TMTC1: variants seen among roughly 807,000 people sequenced by gnomAD.
The protein encoded by TMTC1 is protein O-mannosyl-transferase TMTC1.
Under a neutral mutation model 104.8 loss-of-function variants are expected in TMTC1, and 73 were observed. The observed-to-expected ratio is 0.70, with a 90% CI of 0.58 to 0.85. TMTC1 has a LOEUF of 0.85. TMTC1 is among the 40% of genes least tolerant of loss of function. TMTC1 has a pLI of 0.00. For missense variants in TMTC1, 1,035 were observed against 1,096.1 expected (o/e 0.94, Z 0.79); for synonymous variants, 434 against 428.7 (o/e 1.01, Z -0.15).
At chr12:29,598,205 T>C (rs1414441068) in intron 7 of TMTC1, among the ~76,000 whole-genome samples, 2 of 152,224 alleles carry the variant, frequency 1.3e-5, no homozygotes, top group African/African-American at 4.8e-5. Context: ...CCTGTTGATA[T>C]TAATATTTGG....
rs192234612 is a variant in TMTC1 at position 29,655,515 on chromosome 12, A to T, written c.939-22179T>A. On this transcript the variant is annotated intron_variant, in intron 5 of 17. Coordinates refer to ENST00000539277, the MANE Select transcript of TMTC1 (RefSeq NM_001193451.2). ...TGTAAAATATAGTAAGCAGCAAATAATAAGCCTACCAATGTTGTATTCCTC... is the reference window on the plus strand; with the variant it reads ...TGTAAAATATAGTAAGCAGCAAATATTAAGCCTACCAATGTTGTATTCCTC... 5.6e-4 allele frequency among the ~76,000 whole-genome samples: 85 copies of T among 152,318 alleles called. 2 individuals carry two copies. The East Asian group carries it at 0.016, about 28-fold the overall frequency.
At chr12:29,775,937 C>A (rs1266546929) in intron 1 of TMTC1, among the ~76,000 whole-genome samples, 1 of 152,108 alleles carries the variant, frequency 6.6e-6, no homozygotes, top group Non-Finnish European at 1.5e-5. Context: ...TAAAGAAACT[C>A]CTCTCACTTG....
intron 5 of TMTC1, among the ~76,000 whole-genome samples, chr12:29,639,109 C>T (rs1039668353): frequency 4.6e-5 from 7 of 152,208 alleles, no homozygotes; most frequent in Admixed American, 2.0e-4. Context: ...TTATCCCGTA[C>T]GCCTTCCTAG....
chr12:29,771,218 T>G (rs1243065333), intron 1 of TMTC1, among the ~76,000 whole-genome samples: 1 of 152,198 alleles, frequency 6.6e-6, no homozygotes, highest in Non-Finnish European at 1.5e-5. Flanking sequence ...AAGAACTAAC[T>G]GACATTCACA....
At chr12:29,619,038 A>G (rs930646259) in intron 6 of TMTC1, among the ~76,000 whole-genome samples, 8 of 152,298 alleles carry the variant, frequency 5.3e-5, no homozygotes, top group African/African-American at 1.9e-4. Flanking sequence ...AATAATATAG[A>G]CTATGAAATC....
intron 13 of TMTC1, among the ~76,000 whole-genome samples, chr12:29,518,167 C>T (rs186623633): frequency 9.8e-5 from 15 of 152,292 alleles, no homozygotes; most frequent in Admixed American, 4.6e-4. Flanking sequence ...CATGTATCCT[C>T]ATTTTTTAAA....
chr12:29,518,507 C>T lies in TMTC1; in HGVS notation c.1989G>A (p.Leu663=), dbSNP rs1944054744. The part of the protein sequence containing the change: ...MVNLGRLYRS[L]GENSMAEEWY... ...ATTCTTCAGCCATGCTGTTCTCTCC[C>T]AGTGACCTGTAGAGTCTTCCCAAGT... Residue 663 remains leucine (L), a synonymous_variant, in exon 13 of 18, where the codon CTG becomes CTA. Transcript: ENST00000539277. 1 of 1,613,984 alleles carries T rather than the reference C, an allele frequency of 6.2e-7. No homozygotes were observed. The highest frequency in any genetic ancestry group is 1.3e-5 in the African/African-American group (1 of 74,922).
chr12:29,640,407 C>T (rs1160525953), intron 5 of TMTC1, among the ~76,000 whole-genome samples: 1 of 152,092 alleles, frequency 6.6e-6, no homozygotes, highest in East Asian at 1.9e-4. Context: ...CCCAAGAGGA[C>T]CCACAGACCC....
chr12:29,611,464 GA>G (rs1162184949), intron 6 of TMTC1, among the ~76,000 whole-genome samples: 1 of 152,120 alleles, frequency 6.6e-6, no homozygotes, highest in Non-Finnish European at 1.5e-5. Context: ...GCACTTTATT[GA>G]AAAATATCAG....
At chr12:29,676,183 T>C (rs1391680498) in intron 5 of TMTC1, among the ~76,000 whole-genome samples, 2 of 152,260 alleles carry the variant, frequency 1.3e-5, no homozygotes, top group Non-Finnish European at 2.9e-5. Context: ...GAAACATTTA[T>C]CTGTTCATAC....
chr12:29,656,325 T>TATAG (rs1473031106), intron 5 of TMTC1, among the ~76,000 whole-genome samples: 1 of 149,110 alleles, frequency 6.7e-6, no homozygotes, highest in East Asian at 2.0e-4. Flanking sequence ...CCTGGATATA[T>TATAG]ATATATATAT....
At chr12:29,552,256 A>G (rs955963010) in intron 10 of TMTC1, among the ~76,000 whole-genome samples, 2 of 152,166 alleles carry the variant, frequency 1.3e-5, no homozygotes, top group Non-Finnish European at 2.9e-5. Flanking sequence ...CACACATTGC[A>G]TTCCAAATAT....
At chr12:29,536,561 C>T (rs1209422595) in intron 10 of TMTC1, among the ~76,000 whole-genome samples, 6 of 152,226 alleles carry the variant, frequency 3.9e-5, no homozygotes, top group Non-Finnish European at 8.8e-5. Context: ...TTTTTTCTAC[C>T]TTCTGTTTTC....
chr12:29,701,252 C>T (rs2136798046), intron 5 of TMTC1, among the ~76,000 whole-genome samples: 1 of 152,302 alleles, frequency 6.6e-6, no homozygotes, highest in South Asian at 2.1e-4. Context: ...GCCACTGAGG[C>T]TTCCTGCTGC....
chr12:29,514,583 C>T lies in TMTC1; in HGVS notation c.2329G>A (p.Ala777Thr). 1 of 1,613,760 alleles carries T rather than the reference C, an allele frequency of 6.2e-7. No individual in the cohort carries two copies. Among genetic ancestry groups the T allele is most frequent in the Non-Finnish European group, 8.5e-7 (1 of 1,179,890 alleles). ...GGGTCCTTTGGTTTCAGCTGGAGAGCCTTGTCTATAGCATCAAGTGCCTGC... is the reference window on the plus strand; with the variant it reads ...GGGTCCTTTGGTTTCAGCTGGAGAGTCTTGTCTATAGCATCAAGTGCCTGC... ...HDKALDAIDK[A>T]LQLKPKDPKV... Residue 777 changes from alanine (A) to threonine (T), a missense_variant, in exon 16 of 18, where the codon GCT becomes ACT. Transcript: ENST00000539277.
At chr12:29,528,677 A>C (rs1944414841) in intron 11 of TMTC1, among the ~76,000 whole-genome samples, 1 of 152,218 alleles carries the variant, frequency 6.6e-6, no homozygotes, top group South Asian at 2.1e-4. Flanking sequence ...CAATAACTCA[A>C]ATGACAAATG....
rs4931218 is a variant in TMTC1 at position 29,770,920 on chromosome 12, G to T, written c.303-2845C>A. On this transcript the variant is annotated intron_variant, in intron 1 of 17. Transcript: ENST00000539277. ...ATTAACCTCATAATTTAATAGAAAA[G>T]GGGATGTGATGCATGCATCACATCT... is the stretch of plus-strand genomic sequence containing the variant. Among the ~76,000 whole-genome samples the T allele has an allele frequency of 5.7e-4, 87 of 151,734 alleles. 1 individual carries two copies. Among genetic ancestry groups the T allele is most frequent in the Non-Finnish European group, 1.5e-4 (10 of 67,862 alleles).
rs12826187 is a variant in TMTC1 at position 29,527,159 on chromosome 12, T to C, written c.1786-6439A>G. ...ATTAAAATATGATCACAGGTCACTG[T>C]AGAATAATAGTAATTCATTTAGCCA... On this transcript the variant is annotated intron_variant, in intron 11 of 17. Coordinates refer to ENST00000539277, the MANE Select transcript of TMTC1 (RefSeq NM_001193451.2). Among the ~76,000 whole-genome samples the C allele has an allele frequency of 9.6e-3, 1,461 of 152,332 alleles. 17 individuals are homozygous for C. Among genetic ancestry groups the C allele is most frequent in the South Asian group, 0.038 (183 of 4,826 alleles).
chr12:29,765,666 T>C (rs1943446960), intron 2 of TMTC1, among the ~76,000 whole-genome samples: 1 of 151,956 alleles, frequency 6.6e-6, no homozygotes, highest in Non-Finnish European at 1.5e-5. Context: ...TGATAAATAA[T>C]TAATAAATAT....
Sources: allele counts gnomAD v4.1 joint callset (sites outside exome capture counted in the v4.1 genomes callset), GRCh38; gene constraint gnomAD v4.1.1; transcripts MANE v1.5; gene names NCBI Gene and HGNC (gene_info 2026-07-23, HGNC 2026-07-21).